PCSK5: variants seen among roughly 807,000 people sequenced by gnomAD.
The protein encoded by PCSK5 is proprotein convertase subtilisin/kexin type 5, also known as prohormone convertase 5.
Under a neutral mutation model 233.2 loss-of-function variants are expected in PCSK5, and 129 were observed. The ratio of observed to expected loss-of-function variants is 0.55; its 90% CI spans 0.48 to 0.64. The LOEUF is 0.64. Among genes scored for constraint, PCSK5 ranks in the 30% least tolerant of loss-of-function variants. PCSK5 has a pLI of 0.00. For synonymous variants in PCSK5, 825 were observed against 879.2 expected (o/e 0.94, Z 1.09); for missense variants, 2,076 against 2,430.1 (o/e 0.85, Z 3.06).
chr9:76,341,194 C>T (rs1829826074), intron 35 of PCSK5, among the ~76,000 whole-genome samples: 1 of 151,816 alleles, frequency 6.6e-6, no homozygotes. Flanking sequence ...CACTGCACTC[C>T]AGCCTGGGTG....
At chr9:75,995,843 C>A (rs1483813190) in intron 3 of PCSK5, among the ~76,000 whole-genome samples, 1 of 151,642 alleles carries the variant, frequency 6.6e-6, no homozygotes, top group Non-Finnish European at 1.5e-5. Context: ...AAGAAAAAGT[C>A]AACAATATTT....
At chr9:76,248,095 T>TA (rs1360500694) in intron 24 of PCSK5, among the ~76,000 whole-genome samples, 3 of 151,556 alleles carry the variant, frequency 2.0e-5, no homozygotes, top group African/African-American at 4.9e-5. Flanking sequence ...TAATCTTTTT[T>TA]AAAAAAATTT....
intron 24 of PCSK5, among the ~76,000 whole-genome samples, chr9:76,280,040 G>T (rs1205644053): frequency 6.6e-6 from 1 of 152,062 alleles, no homozygotes. Flanking sequence ...TGGCAACCCT[G>T]CCACAAGCCT....
chr9:76,109,439 T>TAAAAA (rs57063668), intron 9 of PCSK5, among the ~76,000 whole-genome samples: 18 of 150,802 alleles, frequency 1.2e-4, no homozygotes, highest in Admixed American at 2.6e-4. Context: ...ATTATTTTTT[T>TAAAAA]AAAAAAAAAA....
At chr9:75,962,433 A>C (rs1026969118) in intron 2 of PCSK5, among the ~76,000 whole-genome samples, 1 of 152,232 alleles carries the variant, frequency 6.6e-6, no homozygotes, top group East Asian at 1.9e-4. Flanking sequence ...GAGTCTTGGC[A>C]GATTCATCCT....
chr9:76,119,607 T>G (rs1716634921), intron 9 of PCSK5, among the ~76,000 whole-genome samples: 1 of 151,986 alleles, frequency 6.6e-6, no homozygotes, highest in Non-Finnish European at 1.5e-5. Context: ...ATGACTGACA[T>G]TTTCATGTAG....
At chr9:76,323,329 A>G (rs774191324) in intron 32 of PCSK5, 41 bp downstream of exon 32, 2 of 1,223,072 alleles carry the variant, frequency 1.6e-6, no homozygotes, top group Admixed American at 1.8e-5. Flanking sequence ...CGGGGTTTGC[A>G]TAGTTCCAGC....
intron 24 of PCSK5, chr9:76,287,058 C>T (rs560578315): frequency 4.7e-4 from 76 of 162,174 alleles, no homozygotes; most frequent in Non-Finnish European, 6.1e-4. Flanking sequence ...CCCGGATCAC[C>T]GGTGTCTAGT....
chr9:76,022,472 A>G (rs1440904946), intron 3 of PCSK5, among the ~76,000 whole-genome samples: 1 of 152,156 alleles, frequency 6.6e-6, no homozygotes, highest in Non-Finnish European at 1.5e-5. Context: ...GAAAGTAGTG[A>G]ATAGGGAAAG....
chr9:76,051,415 T>C (rs1829624670), intron 5 of PCSK5, among the ~76,000 whole-genome samples: 1 of 152,118 alleles, frequency 6.6e-6, no homozygotes, highest in Non-Finnish European at 1.5e-5. Context: ...TATTTAGACT[T>C]GAGAAAGGAA....
rs151080453 is a variant in PCSK5 at position 76,178,168 on chromosome 9, C to G, written c.1901-1428C>G. 3.5e-3 allele frequency among the ~76,000 whole-genome samples: 532 copies of G among 152,244 alleles called. 2 individuals are homozygous for G. The highest frequency in any genetic ancestry group is 0.012 in the African/African-American group (513 of 41,542). On this transcript the variant is annotated intron_variant, in intron 14 of 37. Coordinates refer to ENST00000674117, the MANE Select transcript of PCSK5 (RefSeq NM_001372043.1). ...TTCAGTCCATAGACAGCAGAGACAC[C>G]ACTCCCCTGGTGTACGATGGCAGAT...
At chr9:76,193,196 C>T (rs1433581208) in intron 20 of PCSK5, 9 of 1,592,048 alleles carry the variant, frequency 5.7e-6, no homozygotes, top group African/African-American at 2.7e-5. Context: ...ATGCTGCTCT[C>T]GTCTTCAACT....
intron 10 of PCSK5, among the ~76,000 whole-genome samples, chr9:76,136,868 G>A (rs551632003): frequency 6.6e-6 from 1 of 152,114 alleles, no homozygotes; most frequent in Non-Finnish European, 1.5e-5. Context: ...ACTCAGTTTT[G>A]GAGTTCAGAC....
chr9:76,271,444 C>G (rs996853434), intron 24 of PCSK5, among the ~76,000 whole-genome samples: 4 of 152,184 alleles, frequency 2.6e-5, no homozygotes, highest in African/African-American at 9.7e-5. Context: ...AGTGGCAGCT[C>G]TCTTTCGAAT....
intron 1 of PCSK5, among the ~76,000 whole-genome samples, chr9:75,921,942 C>G (rs1456308270): frequency 6.6e-6 from 1 of 152,128 alleles, no homozygotes; most frequent in Admixed American, 6.6e-5. Flanking sequence ...TTTGAGTACT[C>G]TTGGGAGAAA....
At chr9:75,905,600 G>A (rs1826228861) in intron 1 of PCSK5, among the ~76,000 whole-genome samples, 1 of 152,146 alleles carries the variant, frequency 6.6e-6, no homozygotes, top group Non-Finnish European at 1.5e-5. Context: ...TGAAAGCAGG[G>A]ATCCCTAACC....
At chr9:76,125,000 T>C (rs1353305256) in intron 9 of PCSK5, among the ~76,000 whole-genome samples, 3 of 152,118 alleles carry the variant, frequency 2.0e-5, no homozygotes, top group African/African-American at 7.2e-5. Context: ...TCTTCTAGTC[T>C]GGACTCTTCT....
chr9:76,037,105 T>C (rs1251338912), intron 5 of PCSK5, among the ~76,000 whole-genome samples: 1 of 152,180 alleles, frequency 6.6e-6, no homozygotes, highest in Non-Finnish European at 1.5e-5. Flanking sequence ...ATTCATTTTG[T>C]GGAAGTAAAT....
intron 5 of PCSK5, among the ~76,000 whole-genome samples, chr9:76,058,186 C>A (rs143374993): frequency 6.6e-6 from 1 of 152,214 alleles, no homozygotes; most frequent in East Asian, 1.9e-4. Context: ...GTTGGTGGGA[C>A]ACCAAGAGAA....
Sources: gnomAD v4.1 joint callset for allele counts (sites outside exome capture counted in the v4.1 genomes callset) on GRCh38, gnomAD v4.1.1 for gene constraint, MANE v1.5 for transcripts, NCBI Gene and HGNC (gene_info 2026-07-23, HGNC 2026-07-21) for gene names.